Variants in URI1 observed in about 807,000 individuals in gnomAD.
The protein encoded by URI1 is URI1 prefoldin like chaperone.
A neutral mutation model predicts 60.2 loss-of-function variants in URI1; 39 were observed. The ratio of observed to expected loss-of-function variants is 0.65; its 90% confidence interval spans 0.50 to 0.85. URI1 has a LOEUF of 0.85. Ranked by LOEUF, URI1 falls within the 40% of genes least tolerant of loss-of-function variation. The pLI is 0.00. For missense variants in URI1, 691 were observed against 665.9 expected (o/e 1.04, Z -0.42); for synonymous variants, 251 against 236.8 (o/e 1.06, Z -0.55).
chr19:29,988,482 C>G (rs971769035), intron 4 of URI1, among the ~76,000 whole-genome samples: 2 of 152,156 alleles, frequency 1.3e-5, no homozygotes, highest in Non-Finnish European at 2.9e-5. Flanking sequence ...TCACACTGCC[C>G]CTTGGTGGTC....
intron 3 of URI1, 128 bp from the exon 4 acceptor site, chr19:29,986,154 A>G (rs2055665174): frequency 1.1e-6 from 1 of 914,512 alleles, no homozygotes; most frequent in Admixed American, 3.9e-5. Context: ...TGAAGCTGGC[A>G]TTTTATTTTT....
At chr19:29,964,447 T>G (rs2055364514) in intron 1 of URI1, among the ~76,000 whole-genome samples, 1 of 150,218 alleles carries the variant, frequency 6.7e-6, no homozygotes, top group African/African-American at 2.5e-5. Flanking sequence ...GTTTCTTTTG[T>G]TTTTGTTTTT....
chr19:29,973,194 G>A (rs1167852727), intron 2 of URI1, among the ~76,000 whole-genome samples: 1 of 152,118 alleles, frequency 6.6e-6, no homozygotes, highest in African/African-American at 2.4e-5. Flanking sequence ...CAATAGTTGA[G>A]TTTCTACCAT....
At chr19:29,975,890 T>A (rs904652458) in intron 2 of URI1, among the ~76,000 whole-genome samples, 1 of 152,204 alleles carries the variant, frequency 6.6e-6, no homozygotes. Context: ...TGTAAGTGTT[T>A]GTGTATGTAT....
intron 1 of URI1, among the ~76,000 whole-genome samples, chr19:29,944,139 TCATATATATATA>T (rs1293530840): frequency 6.5e-5 from 2 of 30,564 alleles, no homozygotes; most frequent in African/African-American, 1.8e-4. Flanking sequence ...ACCCTGTCAT[TCATATATATATA>T]TATATATATA....
chr19:30,002,924 A>C lies in URI1; in HGVS notation c.368-2437A>C, dbSNP rs576577635. On this transcript the variant is annotated intron_variant, in intron 4 of 10. Transcript: ENST00000392271. ...ATTTTGCTTAATTAGATTTCAACTT[A>C]GCCATGTTTGGAGCGTTAAAATTGA... Among the ~76,000 whole-genome samples, 41 of 152,102 alleles carry C rather than the reference A, an allele frequency of 2.7e-4. No individual in the cohort carries two copies. In the South Asian group the frequency reaches 6.0e-3, roughly 22 times the overall value.
At chr19:29,975,934 G>GTTTATATACGGCTCCCA (rs1334205758) in intron 2 of URI1, among the ~76,000 whole-genome samples, 1 of 152,118 alleles carries the variant, frequency 6.6e-6, no homozygotes, top group Non-Finnish European at 1.5e-5. Flanking sequence ...TCATCTACAT[G>GTTTATATACGGCTCCCA]TTTATATACG....
chr19:29,972,255 C>G (rs994636671), intron 2 of URI1, among the ~76,000 whole-genome samples: 5 of 151,988 alleles, frequency 3.3e-5, no homozygotes, highest in Admixed American at 1.3e-4. Flanking sequence ...AGTAAAAATT[C>G]AGGACTTCAT....
chr19:29,984,749 C>CT (rs2055641132), intron 2 of URI1, among the ~76,000 whole-genome samples: 1 of 151,996 alleles, frequency 6.6e-6, no homozygotes, highest in South Asian at 2.1e-4. Context: ...TTTATGATAC[C>CT]TGGCCTACTG....
chr19:29,954,664 A>G (rs977955724), intron 1 of URI1, among the ~76,000 whole-genome samples: 1 of 151,802 alleles, frequency 6.6e-6, no homozygotes, highest in South Asian at 2.1e-4. Context: ...ACAGGCGCCC[A>G]CCACCATGCC....
intron 2 of URI1, among the ~76,000 whole-genome samples, chr19:29,982,455 A>G (rs1278720816): frequency 6.6e-6 from 1 of 152,202 alleles, no homozygotes; most frequent in East Asian, 1.9e-4. Flanking sequence ...GACTTATTGA[A>G]TGGTGACTTT....
At chr19:30,010,415 T>C (rs1227810561) in intron 8 of URI1, among the ~76,000 whole-genome samples, 6 of 152,204 alleles carry the variant, frequency 3.9e-5, no homozygotes, top group Non-Finnish European at 8.8e-5. Context: ...CTGAGATGAT[T>C]AGCCAGAAAA....
intron 1 of URI1, among the ~76,000 whole-genome samples, chr19:29,955,852 A>C (rs1332840842): frequency 6.6e-6 from 1 of 152,000 alleles, no homozygotes; most frequent in East Asian, 1.9e-4. Context: ...TGGCCCCCCA[A>C]AGTGCTGGGA....
chr19:30,007,327 C>T, intron 6 of URI1, 143 bp from the exon 7 acceptor site: 2 of 857,992 alleles, frequency 2.3e-6, no homozygotes, highest in South Asian at 3.6e-5. Context: ...AGACATTCAT[C>T]CTTGGAGTTC....
Position 30,009,168 on chromosome 19 carries a change from AGTC to A in URI1, c.851_853del (p.Ser284_Gln285delinsLys). ...AGAACCATTCAGTGGTCAAGTGAAT[AGTC>A]AGTTGAACTGTTCAGTGAATGGTTC... On this transcript the variant is annotated inframe_deletion, in exon 8 of 11. Transcript: ENST00000392271. 1 of 1,614,042 alleles carries A rather than the reference AGTC, an allele frequency of 6.2e-7. No homozygotes were observed. The highest frequency in any genetic ancestry group is 1.1e-5 in the South Asian group (1 of 91,066).
intron 1 of URI1, among the ~76,000 whole-genome samples, chr19:29,963,228 C>T (rs1021942071): frequency 2.0e-5 from 3 of 152,118 alleles, no homozygotes; most frequent in African/African-American, 7.2e-5. Flanking sequence ...TTCTCTCTTC[C>T]CTTTCTGGAT....
At chr19:30,007,432 G>A (rs757570501) in intron 6 of URI1, 38 bp from the exon 7 acceptor site, 1 of 1,598,928 alleles carries the variant, frequency 6.3e-7, no homozygotes, top group Admixed American at 1.7e-5. Flanking sequence ...TTTTTATGTT[G>A]GCTATTAACA....
chr19:29,968,404 C>T (rs2055415199), intron 1 of URI1, among the ~76,000 whole-genome samples: 1 of 151,898 alleles, frequency 6.6e-6, no homozygotes, highest in Non-Finnish European at 1.5e-5. Context: ...ACAAGGCTCG[C>T]TGCCTTATGG....
chr19:29,969,309 C>T (rs183852690), intron 1 of URI1, among the ~76,000 whole-genome samples: 4 of 152,220 alleles, frequency 2.6e-5, no homozygotes, highest in African/African-American at 7.2e-5. Context: ...ATGGCCGGAA[C>T]GAAGTGGAGG....
Sources: allele counts gnomAD v4.1 joint callset (sites outside exome capture counted in the v4.1 genomes callset), GRCh38; gene constraint gnomAD v4.1.1; transcripts MANE v1.5; gene names NCBI Gene and HGNC (gene_info 2026-07-23, HGNC 2026-07-21).